MST1R: variants seen among roughly 807,000 people sequenced by gnomAD.
MST1R encodes the protein macrophage-stimulating protein receptor.
MST1R carries 99 observed loss-of-function variants against 117.8 expected under a neutral mutation model. The observed-to-expected ratio is 0.84, with a 90% CI of 0.71 to 0.99. The LOEUF (loss-of-function observed/expected upper bound fraction) is 0.99. Among genes scored for constraint, MST1R ranks in the 50% least tolerant of loss-of-function variants. The pLI is 0.00. For missense variants in MST1R, 1,683 were observed against 1,840.2 expected (o/e 0.91, Z 1.56); for synonymous variants, 734 against 765.3 (o/e 0.96, Z 0.68).
chr3:49,896,925 T>C (rs1233002732), intron 7 of MST1R, 35 bp from the exon 8 acceptor site: 1 of 1,458,890 alleles, frequency 6.9e-7, no homozygotes, highest in East Asian at 2.5e-5. Flanking sequence ...AAGGTTACCC[T>C]CTTTGTGATG....
Position 49,887,358 on chromosome 3 carries a change from T to C in MST1R, c.4152A>G (p.Pro1384=). ...GTGGCCGGGGCCGGCGTACATTCCC[T>C]GGCATGGGTGAGAACTGCGGCTGTT... ...RPEQPQFSPM[P]GNVRRPRPLS... The change falls in exon 20 of 20, where the codon CCA becomes CCG. Residue 1384 remains proline (P), a synonymous_variant. Transcript: ENST00000296474. The C allele has an allele frequency of 6.2e-7, 1 of 1,614,260 alleles. No homozygotes were observed. The highest frequency in any genetic ancestry group is 8.5e-7 in the Non-Finnish European group (1 of 1,180,042).
At position 49,890,627 on chromosome 3, in the gene MST1R, T is replaced by C; in HGVS notation, c.3668A>G (p.Lys1223Arg). ...NCMLDESFTV[K>R]VADFGLARDI... is the part of the protein sequence containing the mutation. ...GCGGGCCAAACCAAAGTCAGCCACC[T>C]TGACTGTGAATGACTCGTCCAGCCT... is the stretch of plus-strand genomic sequence containing the variant. The change falls in exon 18 of 20, where the codon AAG (lysine) becomes AGG (arginine). Residue 1223 changes from lysine to arginine, a missense_variant. Transcript: ENST00000296474. 1.2e-6 allele frequency: 2 copies of C among 1,613,298 alleles called. No homozygotes were observed. The highest frequency in any genetic ancestry group is 1.7e-6 in the Non-Finnish European group (2 of 1,179,418).
chr3:49,889,168 C>A (rs1329997029), intron 19 of MST1R, among the ~76,000 whole-genome samples: 1 of 152,214 alleles, frequency 6.6e-6, no homozygotes, highest in Non-Finnish European at 1.5e-5. Context: ...CCCAGTCCTT[C>A]TTCCCTTGCC....
In MST1R at chr3:49,887,330, A is replaced by C. The variant is rs141338964; in HGVS notation, c.4180T>G (p.Ser1394Ala). ...AGTCAAGTGGGCCGAGGAGGCTCTG[A>C]GAGTGGCCGGGGCCGGCGTACATTC... ...PGNVRRPRPL[S>A]EPPRPT Residue 1394 changes from serine (S) to alanine (A), a missense_variant, in exon 20 of 20, where the codon TCA (serine) becomes GCA (alanine). Coordinates refer to ENST00000296474, the MANE Select transcript of MST1R (RefSeq NM_002447.4). 1 of 1,614,218 alleles carries C rather than the reference A, an allele frequency of 6.2e-7. No individual in the cohort carries two copies. The highest frequency in any genetic ancestry group is 1.3e-5 in the African/African-American group (1 of 75,072).
At position 49,889,974 on chromosome 3, in the gene MST1R, GA is replaced by G; in HGVS notation, c.3896del (p.Phe1299SerfsTer21). The G allele has an allele frequency of 6.2e-7, 1 of 1,614,204 alleles. No homozygotes were observed. Among genetic ancestry groups the G allele is most frequent in the Middle Eastern group, 1.6e-4 (1 of 6,062 alleles). ...GGGGCAGGCGCCGACCCTGGGCCAGGAAGTGGGTAAGGTCAAAAGGGTCAAT... is the reference window on the plus strand; with the variant it reads ...GGGGCAGGCGCCGACCCTGGGCCAGGAGTGGGTAAGGTCAAAAGGGTCAAT... ...RHIDPFDLTH[F>X]LAQGRRLPQP... On this transcript the variant is annotated frameshift_variant, in exon 19 of 20. Transcript: ENST00000296474. LOFTEE classifies it high-confidence loss of function.
chr3:49,896,980 G>A (rs1042916614), intron 7 of MST1R, 90 bp from the exon 8 acceptor site: 58 of 1,390,748 alleles, frequency 4.2e-5, no homozygotes, highest in Admixed American at 1.8e-4. Flanking sequence ...CTCCCAGTTC[G>A]TCTGTTATCT....
chr3:49,898,374 G>T, intron 4 of MST1R, 144 bp downstream of exon 4: 1 of 1,337,386 alleles, frequency 7.5e-7, no homozygotes, highest in East Asian at 2.4e-5. Context: ...TTTGCATGTG[G>T]CATCCCCTCT....
chr3:49,894,628 G>T (rs1349655669), intron 14 of MST1R, among the ~76,000 whole-genome samples: 1 of 152,046 alleles, frequency 6.6e-6, no homozygotes, highest in African/African-American at 2.4e-5. Flanking sequence ...TGATGGCAGA[G>T]GCTACAATCT....
Position 49,895,895 on chromosome 3 carries a change from C to A in MST1R, c.2797-15G>T. The stretch of plus-strand genomic sequence containing the variant: ...TCTACGCAGACCTGGGGGCAGGTGG[C>A]AACTCAGGCCCAGCCTGTAGGCCCT... On this transcript the variant is annotated splice_polypyrimidine_tract_variant and intron_variant, in intron 11 of 19. Coordinates refer to ENST00000296474, the MANE Select transcript of MST1R (RefSeq NM_002447.4). 6.3e-7 allele frequency: 1 copy of A among 1,586,104 alleles called. No individual in the cohort carries two copies. Among genetic ancestry groups the A allele is most frequent in the East Asian group, 2.2e-5 (1 of 44,664 alleles).
At chr3:49,890,428 G>C in intron 18 of MST1R, 57 bp downstream of exon 18, 1 of 1,551,718 alleles carries the variant, frequency 6.4e-7, no homozygotes, top group South Asian at 1.2e-5. Flanking sequence ...GAATGGGTGA[G>C]GCCCAGTGTT....
At chr3:49,893,280 A>AAAAT (rs59923845) in intron 14 of MST1R, among the ~76,000 whole-genome samples, 1,754 of 140,670 alleles carry the variant, frequency 0.012, 31 homozygotes, top group African/African-American at 0.033. Flanking sequence ...TTCTGTCTCA[A>AAAAT]AAATAAATAA....
rs758405523 is a variant in MST1R at position 49,896,360 on chromosome 3, T to G, written c.2484A>C (p.Glu828Asp). Residue 828 changes from glutamate (E) to aspartate (D), a missense_variant, in exon 10 of 20, where the codon GAA (glutamate) becomes GAC (aspartate). Coordinates refer to ENST00000296474, the MANE Select transcript of MST1R (RefSeq NM_002447.4). ...ATCCCTGGGGGTCTCGGACCACATATTCAGGAAGGCGGCACAGCTGCTGCT... is the reference window on the plus strand; with the variant it reads ...ATCCCTGGGGGTCTCGGACCACATAGTCAGGAAGGCGGCACAGCTGCTGCT... Reference protein sequence around the residue: ...LPEQQLCRLPEYVVRDPQGWV... With the variant: ...LPEQQLCRLPDYVVRDPQGWV... The G allele has an allele frequency of 6.4e-5, 104 of 1,613,854 alleles. No individual in the cohort carries two copies. The highest frequency in any genetic ancestry group is 8.5e-5 in the Non-Finnish European group (100 of 1,180,012).
In MST1R at chr3:49,903,693, TCTGGA is replaced by T. The variant is rs963347372; in HGVS notation, c.-89_-85del. ...GCCTGGCTGGGGGCCCGACTCGAGG[TCTGGA>T]CTGGGCCAAATTTAAGCAGCGGTCC... On this transcript the variant is annotated 5_prime_UTR_variant, in exon 1 of 20. Coordinates refer to ENST00000296474, the MANE Select transcript of MST1R (RefSeq NM_002447.4). 6.7e-7 allele frequency: 1 copy of T among 1,494,226 alleles called. No individual in the cohort carries two copies. The highest frequency in any genetic ancestry group is 1.4e-5 in the African/African-American group (1 of 71,362). 92.6% of individuals were successfully genotyped at this position (1,494,226 alleles called of 1,614,324 possible). A position where few individuals can be genotyped will look rare whatever the true frequency, so the allele number is the denominator to read the frequency against.
Position 49,898,088 on chromosome 3 carries a change from G to T in MST1R, c.1843C>A (p.Pro615Thr). 6.2e-7 allele frequency: 1 copy of T among 1,614,096 alleles called. No homozygotes were observed. The highest frequency in any genetic ancestry group is 8.5e-7 in the Non-Finnish European group (1 of 1,180,032). ...GTHQVTVGQS[P>T]CRPLPKDSSK... ...CTGTCCTTGGGCAGTGGCCGGCAGG[G>T]ACTTTGGCCCACAGTGACCTGATGG... Residue 615 changes from proline (P) to threonine (T), a missense_variant, in exon 5 of 20, where the codon CCC becomes ACC. By Grantham distance (38) the Pro-to-Thr change is conservative. Transcript: ENST00000296474.
chr3:49,894,400 C>CA, intron 14 of MST1R, among the ~76,000 whole-genome samples: 1 of 151,872 alleles, frequency 6.6e-6, no homozygotes, highest in South Asian at 2.1e-4. Flanking sequence ...CCCATCTCTA[C>CA]AAAAAATAAA....
Position 49,891,297 on chromosome 3 carries a change from C to A in MST1R, c.3544G>T (p.Val1182Leu). The change falls in exon 17 of 20, where the codon GTG becomes TTG. Residue 1182 changes from valine (V) to leucine (L), a missense_variant. By Grantham distance (32) the Val-to-Leu change is conservative. Coordinates refer to ENST00000296474, the MANE Select transcript of MST1R (RefSeq NM_002447.4). ...AGGCCAAAGCTGATGAGGTCCTTCA[C>A]GGTGGGGTTCTGGGGGCACAGGTGG... ...FIRSPQRNPT[V>L]KDLISFGLQV... 3 of 1,614,146 alleles carry A rather than the reference C, an allele frequency of 1.9e-6. No individual in the cohort carries two copies. Among genetic ancestry groups the A allele is most frequent in the Non-Finnish European group, 2.5e-6 (3 of 1,180,032 alleles).
At chr3:49,891,602 G>C (rs2082318335) in intron 15 of MST1R, 22 bp from the exon 16 acceptor site, 1 of 1,613,030 alleles carries the variant, frequency 6.2e-7, no homozygotes, top group Non-Finnish European at 8.5e-7. Context: ...CGCAAGTCAG[G>C]CACAGGGCAG....
In MST1R at chr3:49,896,133, C is replaced by G. The variant is rs757297666; in HGVS notation, c.2650-26G>C. ...CTGCAGAGAGGGTCATGAGGACCAG[C>G]CAGTAGGCTGGCCCCTACTTTCAGA... On this transcript the variant is annotated intron_variant, in intron 10 of 19. Coordinates refer to ENST00000296474, the MANE Select transcript of MST1R (RefSeq NM_002447.4). 5 of 1,614,164 alleles carry G rather than the reference C, an allele frequency of 3.1e-6. No individual in the cohort carries two copies. In the South Asian group the frequency reaches 4.4e-5, roughly 14 times the overall value.
Position 49,898,992 on chromosome 3 carries a change from C to T in MST1R, c.1423G>A (p.Glu475Lys). The change falls in exon 3 of 20, where the codon GAG becomes AAG. Residue 475 changes from glutamate (E) to lysine (K), a missense_variant. Glu to Lys is a moderately conservative substitution (Grantham distance 56, BLOSUM62 1). Transcript: ENST00000296474. ...AAGTAGTTTAGTGACCTGACCAGCT[C>T]CACCTAGGACAGGTCAGATGTGAGC... is the stretch of plus-strand genomic sequence containing the variant. ...GTMDGRILQVELVRSLNYLLY... is the reference protein window; with the variant it reads ...GTMDGRILQVKLVRSLNYLLY... 1.2e-6 allele frequency: 2 copies of T among 1,614,184 alleles called. No homozygotes were observed. The highest frequency in any genetic ancestry group is 1.7e-6 in the Non-Finnish European group (2 of 1,180,050).
Sources: allele counts gnomAD v4.1 joint callset (sites outside exome capture counted in the v4.1 genomes callset), GRCh38; gene constraint gnomAD v4.1.1; transcripts MANE v1.5; gene names NCBI Gene and HGNC (gene_info 2026-07-23, HGNC 2026-07-21).